CTNND2: variants seen among roughly 807,000 people sequenced by gnomAD.
CTNND2 encodes the protein catenin delta 2.
A neutral mutation model predicts 144.4 loss-of-function variants in CTNND2; 22 were observed. The ratio of observed to expected loss-of-function variants is 0.15; its 90% CI spans 0.11 to 0.22. The LOEUF (loss-of-function observed/expected upper bound fraction) is 0.22, where lower values mean the gene tolerates loss of function less well. CTNND2 is among the 10% of genes least tolerant of loss of function. The pLI is 1.00. For missense variants in CTNND2, 1,353 were observed against 1,618.8 expected (o/e 0.84, Z 2.82); for synonymous variants, 751 against 695.6 (o/e 1.08, Z -1.25).
At chr5:11,404,370 G>T (rs538330320) in intron 5 of CTNND2, among the ~76,000 whole-genome samples, 3 of 152,170 alleles carry the variant, frequency 2.0e-5, no homozygotes. Flanking sequence ...GTATTGAAAA[G>T]GTTGATTTTG....
At chr5:11,263,216 G>A (rs1296377123) in intron 9 of CTNND2, among the ~76,000 whole-genome samples, 3 of 152,050 alleles carry the variant, frequency 2.0e-5, no homozygotes, top group African/African-American at 7.2e-5. Flanking sequence ...TGACTTTATT[G>A]CTGACTTCTG....
intron 11 of CTNND2, among the ~76,000 whole-genome samples, chr5:11,179,582 C>T (rs1760809570): frequency 6.6e-6 from 1 of 151,970 alleles, no homozygotes; most frequent in Admixed American, 6.6e-5. Flanking sequence ...TTTTAGTTAT[C>T]TTCACAAAGG....
At chr5:10,999,600 T>C (rs1472147215) in intron 18 of CTNND2, among the ~76,000 whole-genome samples, 1 of 152,216 alleles carries the variant, frequency 6.6e-6, no homozygotes, top group Non-Finnish European at 1.5e-5. Context: ...GACCCACAAG[T>C]TGTGCCCTTC....
intron 9 of CTNND2, among the ~76,000 whole-genome samples, chr5:11,275,726 C>T (rs369534822): frequency 6.6e-6 from 1 of 152,308 alleles, no homozygotes; most frequent in East Asian, 1.9e-4. Flanking sequence ...TCAAGGGAAG[C>T]AAGACTTTGA....
intron 11 of CTNND2, among the ~76,000 whole-genome samples, chr5:11,163,517 G>T (rs1451684538): frequency 1.3e-5 from 2 of 152,182 alleles, no homozygotes; most frequent in Non-Finnish European, 2.9e-5. Flanking sequence ...GGAGTAATTT[G>T]TTATGCAGCA....
intron 9 of CTNND2, among the ~76,000 whole-genome samples, chr5:11,278,149 C>T (rs2149990940): frequency 6.6e-6 from 1 of 152,260 alleles, no homozygotes; most frequent in Admixed American, 6.5e-5. Context: ...CCAGCTATCT[C>T]CATCAAGGGT....
rs16901696 is a variant in CTNND2, at chr5:11,511,204, A to C, written c.287+53740T>G. Among the ~76,000 whole-genome samples the C allele has an allele frequency of 6.6e-3, 1,006 of 152,342 alleles. 10 individuals are homozygous for C. Among genetic ancestry groups the C allele is most frequent in the African/African-American group, 0.023 (948 of 41,590 alleles). On this transcript the variant is annotated intron_variant, in intron 3 of 21. Transcript: ENST00000304623. ...TGTCATGCTTTCTCAGAAAGTGTTA[A>C]AGGTCATTTCACTTTCTTAAGAAAA...
chr5:11,811,179 T>C (rs1211635804), intron 1 of CTNND2, among the ~76,000 whole-genome samples: 1 of 152,210 alleles, frequency 6.6e-6, no homozygotes, highest in African/African-American at 2.4e-5. Flanking sequence ...ACTGCACTGC[T>C]AAGCTAAAAT....
chr5:11,325,021 T>C (rs1031925538), intron 9 of CTNND2, among the ~76,000 whole-genome samples: 2 of 151,630 alleles, frequency 1.3e-5, no homozygotes, highest in Non-Finnish European at 2.9e-5. Context: ...GAATGAACCC[T>C]CTTTGCCTGA....
intron 9 of CTNND2, among the ~76,000 whole-genome samples, chr5:11,311,357 C>T (rs941280202): frequency 3.1e-5 from 4 of 129,120 alleles, no homozygotes; most frequent in Non-Finnish European, 6.7e-5. Flanking sequence ...CACCCTCAAC[C>T]CACATGTACA....
intron 3 of CTNND2, among the ~76,000 whole-genome samples, chr5:11,474,615 T>C (rs2149962115): frequency 6.6e-6 from 1 of 152,258 alleles, no homozygotes; most frequent in Admixed American, 6.5e-5. Flanking sequence ...CCAACGCAGG[T>C]GTCTCCTTAG....
intron 1 of CTNND2, among the ~76,000 whole-genome samples, chr5:11,832,396 A>T (rs541543674): frequency 6.6e-6 from 1 of 152,342 alleles, no homozygotes; most frequent in South Asian, 2.1e-4. Context: ...CACTTATCTA[A>T]TAAAAGACTT....
chr5:11,638,377 A>G (rs757938096), intron 2 of CTNND2, among the ~76,000 whole-genome samples: 1 of 152,242 alleles, frequency 6.6e-6, no homozygotes, highest in Non-Finnish European at 1.5e-5. Context: ...AAAAATAGCA[A>G]GAAGCACTAG....
intron 2 of CTNND2, among the ~76,000 whole-genome samples, chr5:11,631,276 T>C (rs562528451): frequency 6.6e-6 from 1 of 152,328 alleles, no homozygotes; most frequent in East Asian, 1.9e-4. Flanking sequence ...TGTACAAGGT[T>C]ATGCTACCTT....
intron 2 of CTNND2, among the ~76,000 whole-genome samples, chr5:11,632,275 G>A (rs1339170706): frequency 6.6e-6 from 1 of 152,062 alleles, no homozygotes; most frequent in Non-Finnish European, 1.5e-5. Context: ...ATTCATAGGG[G>A]GATGAAAAAT....
intron 9 of CTNND2, among the ~76,000 whole-genome samples, chr5:11,262,761 CAAAAAAAAAAAAA>C (rs11289676): frequency 1.1e-4 from 5 of 45,682 alleles, no homozygotes; most frequent in Admixed American, 3.8e-4. Context: ...GACTCTGTCT[CAAAAAAAAAAAAA>C]AAAAAAAAAA....
chr5:11,244,280 ATTTTTTT>A (rs11322159), intron 9 of CTNND2, among the ~76,000 whole-genome samples: 11 of 104,102 alleles, frequency 1.1e-4, no homozygotes, highest in Admixed American at 5.4e-4. Context: ...GTCCTATACA[ATTTTTTT>A]TTTTTTTTTT....
chr5:11,735,860 C>T lies in CTNND2; in HGVS notation c.38-3588G>A, dbSNP rs555305627. Among the ~76,000 whole-genome samples the T allele has an allele frequency of 2.6e-5, 4 of 152,258 alleles. No individual in the cohort carries two copies. The South Asian group carries it at 8.3e-4, about 32-fold the overall frequency. On this transcript the variant is annotated intron_variant, in intron 1 of 21. Transcript: ENST00000304623. ...ATAAATTACTCAGTCTTAGGTATGT[C>T]TTTATTAGCAGCATGAGAATGGACT...
intron 1 of CTNND2, among the ~76,000 whole-genome samples, chr5:11,879,475 G>A (rs1160955788): frequency 1.3e-5 from 2 of 151,222 alleles, no homozygotes; most frequent in Non-Finnish European, 2.9e-5. Context: ...AGCATTTATA[G>A]AAAGGTTAGT....
Sources: allele counts gnomAD v4.1 joint callset (sites outside exome capture counted in the v4.1 genomes callset), GRCh38; gene constraint gnomAD v4.1.1; transcripts MANE v1.5; gene names NCBI Gene and HGNC (gene_info 2026-07-23, HGNC 2026-07-21).